Variants in SLC8A3 observed in about 807,000 individuals in gnomAD.
The protein encoded by SLC8A3 is solute carrier family 8 member A3.
In SLC8A3, 37 loss-of-function variants were observed where a neutral mutation model predicts 65.4. The observed-to-expected ratio is 0.57, with a 90% CI of 0.44 to 0.74. SLC8A3 has a LOEUF of 0.74. Ranked by LOEUF, SLC8A3 falls within the 30% of genes least tolerant of loss-of-function variation. The pLI is 0.00. For missense variants in SLC8A3, 1,112 were observed against 1,172.1 expected (o/e 0.95, Z 0.75); for synonymous variants, 461 against 444.5 (o/e 1.04, Z -0.47).
chr14:70,128,670 TTGGAGAAGG>T (rs1894635597), intron 2 of SLC8A3, among the ~76,000 whole-genome samples: 1 of 152,186 alleles, frequency 6.6e-6, no homozygotes, highest in Non-Finnish European at 1.5e-5. Flanking sequence ...TATAAAAAAC[TTGGAGAAGG>T]TGGTTATAGA....
intron 3 of SLC8A3, among the ~76,000 whole-genome samples, chr14:70,052,938 G>A (rs1337006127): frequency 6.6e-6 from 1 of 152,194 alleles, no homozygotes; most frequent in East Asian, 1.9e-4. Context: ...TCTAGCTGGG[G>A]AATTGGTGAA....
At chr14:70,112,131 T>G (rs1893346914) in intron 2 of SLC8A3, among the ~76,000 whole-genome samples, 2 of 150,004 alleles carry the variant, frequency 1.3e-5, no homozygotes, top group Non-Finnish European at 3.0e-5. Flanking sequence ...CAAGGGAGAG[T>G]GGAAAGGGAG....
At chr14:70,149,233 T>C (rs1056543724) in intron 2 of SLC8A3, among the ~76,000 whole-genome samples, 8 of 152,266 alleles carry the variant, frequency 5.3e-5, no homozygotes, top group Non-Finnish European at 1.0e-4. Flanking sequence ...CATCTCCAAA[T>C]ATAGGGATGA....
intron 2 of SLC8A3, among the ~76,000 whole-genome samples, chr14:70,100,151 T>C (rs946590047): frequency 6.6e-6 from 1 of 152,248 alleles, no homozygotes; most frequent in Non-Finnish European, 1.5e-5. Flanking sequence ...ACACTAGCAC[T>C]GCATTCAATC....
intron 2 of SLC8A3, among the ~76,000 whole-genome samples, chr14:70,098,389 CT>C (rs1184188068): frequency 6.6e-6 from 1 of 152,130 alleles, no homozygotes; most frequent in Non-Finnish European, 1.5e-5. Context: ...GCTAAAAATA[CT>C]TCTGGCAGCC....
intron 1 of SLC8A3, among the ~76,000 whole-genome samples, chr14:70,169,702 G>C (rs868860944): frequency 1.7e-4 from 23 of 132,568 alleles, no homozygotes; most frequent in African/African-American, 6.0e-4. Context: ...GGGGGGGGGG[G>C]CGATCTTTCT....
chr14:70,059,567 A>G (rs769702664), intron 3 of SLC8A3: 2 of 152,158 alleles, frequency 1.3e-5, no homozygotes, highest in Non-Finnish European at 2.9e-5. Flanking sequence ...CTTCAAGGGA[A>G]GAAATCCTTC....
intron 2 of SLC8A3, among the ~76,000 whole-genome samples, chr14:70,148,048 A>G (rs533755355): frequency 1.3e-5 from 2 of 152,336 alleles, no homozygotes; most frequent in East Asian, 3.9e-4. Context: ...TGCATTCAGT[A>G]GAAACTATAC....
At chr14:70,181,199 C>T (rs1190474276) in intron 1 of SLC8A3, among the ~76,000 whole-genome samples, 1 of 152,154 alleles carries the variant, frequency 6.6e-6, no homozygotes, top group African/African-American at 2.4e-5. Flanking sequence ...AGAATTAGAA[C>T]ATAACCTTTT....
At chr14:70,118,973 T>C (rs1893846377) in intron 2 of SLC8A3, among the ~76,000 whole-genome samples, 1 of 152,180 alleles carries the variant, frequency 6.6e-6, no homozygotes, top group African/African-American at 2.4e-5. Context: ...ATCTGAAACC[T>C]CTAAGGAGAA....
intron 3 of SLC8A3, among the ~76,000 whole-genome samples, chr14:70,056,418 G>C (rs1713407662): frequency 1.3e-5 from 2 of 152,180 alleles, no homozygotes; most frequent in African/African-American, 4.8e-5. Context: ...CTTCCTAGCT[G>C]CCACGTTGAC....
chr14:70,120,508 G>T (rs1391355603), intron 2 of SLC8A3, among the ~76,000 whole-genome samples: 1 of 152,188 alleles, frequency 6.6e-6, no homozygotes, highest in Admixed American at 6.5e-5. Context: ...GGCTCACATA[G>T]CTTTTCTGAT....
intron 2 of SLC8A3, among the ~76,000 whole-genome samples, chr14:70,100,695 A>C (rs1040043104): frequency 1.3e-5 from 2 of 152,242 alleles, no homozygotes; most frequent in African/African-American, 2.4e-5. Flanking sequence ...AAAACTAAAA[A>C]CACATTGCAA....
rs746405851 is a variant in SLC8A3, at chr14:70,168,424, C to T, written c.-2G>A. 2.5e-6 allele frequency: 4 copies of T among 1,610,042 alleles called. No homozygotes were observed. Among genetic ancestry groups the T allele is most frequent in the Admixed American group, 3.3e-5 (2 of 59,858 alleles). Reference sequence around the variant, plus strand: ...AGGCTGCAACCTTAACCACGCCATACACGAGACTTAGCCACTGGCTTCTAT... The same window carrying T: ...AGGCTGCAACCTTAACCACGCCATATACGAGACTTAGCCACTGGCTTCTAT... On this transcript the variant is annotated 5_prime_UTR_variant, in exon 2 of 7. Coordinates refer to ENST00000356921, the MANE Select transcript of SLC8A3 (RefSeq NM_182932.3).
At chr14:70,061,741 T>C (rs1041461314) in intron 2 of SLC8A3, among the ~76,000 whole-genome samples, 4 of 152,196 alleles carry the variant, frequency 2.6e-5, no homozygotes, top group Admixed American at 2.6e-4. Context: ...AAGAAAATGA[T>C]GTAAATCATC....
intron 2 of SLC8A3, among the ~76,000 whole-genome samples, chr14:70,111,803 T>G (rs1232486538): frequency 6.6e-6 from 1 of 152,190 alleles, no homozygotes; most frequent in South Asian, 2.1e-4. Flanking sequence ...ACAGTGGAGA[T>G]GATGGCAATG....
At chr14:70,140,942 T>C (rs994108623) in intron 2 of SLC8A3, among the ~76,000 whole-genome samples, 4 of 152,252 alleles carry the variant, frequency 2.6e-5, no homozygotes, top group Non-Finnish European at 4.4e-5. Context: ...CTCTGGATGC[T>C]TTATAGCATC....
intron 2 of SLC8A3, among the ~76,000 whole-genome samples, chr14:70,160,923 C>T (rs1225335693): frequency 6.7e-6 from 1 of 148,316 alleles, no homozygotes. Context: ...CCCTTCGGGA[C>T]ACAATAGCTA....
chr14:70,104,266 T>C (rs1892714605), intron 2 of SLC8A3, among the ~76,000 whole-genome samples: 1 of 152,126 alleles, frequency 6.6e-6, no homozygotes, highest in Non-Finnish European at 1.5e-5. Context: ...AATAATTTTA[T>C]CAATCACCTC....
Sources: gnomAD v4.1 joint callset for allele counts (sites outside exome capture counted in the v4.1 genomes callset) on GRCh38, gnomAD v4.1.1 for gene constraint, MANE v1.5 for transcripts, NCBI Gene and HGNC (gene_info 2026-07-23, HGNC 2026-07-21) for gene names.